Variants in FNIP1 observed in about 807,000 individuals in gnomAD.
The protein encoded by FNIP1 is folliculin interacting protein 1.
A neutral mutation model predicts 124.5 loss-of-function variants in FNIP1; 40 were observed. That is an observed-to-expected ratio of 0.32 (90% CI 0.25 to 0.42). The LOEUF is 0.42. FNIP1 is among the 10% of genes least tolerant of loss of function. The pLI is 1.00. For synonymous variants in FNIP1, 472 were observed against 470.6 expected (o/e 1.00, Z -0.04); for missense variants, 1,176 against 1,403.7 (o/e 0.84, Z 2.59).
Position 131,656,427 on chromosome 5 carries a change from T to C in FNIP1, c.3109-4428A>G, listed in dbSNP as rs144998250. Among the ~76,000 whole-genome samples, 489 of 152,324 alleles carry C rather than the reference T, an allele frequency of 3.2e-3. 3 individuals are homozygous for C. Among genetic ancestry groups the C allele is most frequent in the African/African-American group, 0.011 (465 of 41,572 alleles). The stretch of plus-strand genomic sequence containing the variant: ...CCAGGTACTTTTGCAGAATACCTTT[T>C]AAATCTCATAATGAAAATGCAGCTC... On this transcript the variant is annotated intron_variant, in intron 15 of 17. Transcript: ENST00000510461.
chr5:131,647,790 T>A (rs1213931161), intron 16 of FNIP1, among the ~76,000 whole-genome samples: 2 of 152,180 alleles, frequency 1.3e-5, no homozygotes, highest in Admixed American at 6.5e-5. Context: ...TAACCATTTT[T>A]AAATATACTT....
At chr5:131,693,344 A>ATATATG (rs1561658436) in intron 11 of FNIP1, among the ~76,000 whole-genome samples, 12 of 130,550 alleles carry the variant, frequency 9.2e-5, no homozygotes, top group Non-Finnish European at 1.9e-4. Flanking sequence ...ATATATATAT[A>ATATATG]TATATATATA....
At chr5:131,751,984 A>G (rs1007443684) in intron 1 of FNIP1, among the ~76,000 whole-genome samples, 1 of 152,228 alleles carries the variant, frequency 6.6e-6, no homozygotes, top group African/African-American at 2.4e-5. Context: ...ATTTTATGGA[A>G]TGTGAAGTAT....
intron 3 of FNIP1, among the ~76,000 whole-genome samples, chr5:131,727,387 C>G (rs1172203974): frequency 6.6e-6 from 1 of 152,022 alleles, no homozygotes; most frequent in Non-Finnish European, 1.5e-5. Flanking sequence ...ACACTGATCC[C>G]TATTGTTGCA....
intron 1 of FNIP1, among the ~76,000 whole-genome samples, chr5:131,769,808 T>G (rs189014043): frequency 7.9e-5 from 12 of 152,326 alleles, no homozygotes; most frequent in African/African-American, 2.9e-4. Flanking sequence ...CAGAAGCAAT[T>G]ACGACTGCTT....
intron 11 of FNIP1, among the ~76,000 whole-genome samples, chr5:131,687,697 G>A (rs1438629389): frequency 6.6e-6 from 1 of 152,154 alleles, no homozygotes; most frequent in Non-Finnish European, 1.5e-5. Flanking sequence ...GTTACCTGAA[G>A]CAGAAGCCTT....
intron 2 of FNIP1, among the ~76,000 whole-genome samples, chr5:131,735,490 T>TACACAC (rs1770262585): frequency 8.3e-6 from 1 of 121,150 alleles, no homozygotes; most frequent in Admixed American, 8.8e-5. Flanking sequence ...TATATGTATA[T>TACACAC]ATACGTATAA....
At chr5:131,780,167 C>T (rs1771949369) in intron 1 of FNIP1, among the ~76,000 whole-genome samples, 1 of 152,032 alleles carries the variant, frequency 6.6e-6, no homozygotes, top group Admixed American at 6.5e-5. Context: ...ATCTTTAAGA[C>T]AAAGAGAATA....
At chr5:131,735,345 A>T (rs899177015) in intron 2 of FNIP1, among the ~76,000 whole-genome samples, 15 of 151,986 alleles carry the variant, frequency 9.9e-5, no homozygotes, top group African/African-American at 1.9e-4. Flanking sequence ...GCATTAGGAG[A>T]TATACCTCAT....
intron 1 of FNIP1, among the ~76,000 whole-genome samples, chr5:131,750,476 C>T (rs1770834081): frequency 2.0e-5 from 3 of 152,088 alleles, no homozygotes; most frequent in Non-Finnish European, 4.4e-5. Context: ...AAAAAAGAAC[C>T]TCTCTGGAAG....
At chr5:131,710,142 T>C (rs32110) in intron 7 of FNIP1, among the ~76,000 whole-genome samples, 119,682 of 152,000 alleles carry the variant, frequency 0.79, 47,383 homozygotes, top group Middle Eastern at 0.85. Context: ...ACTGCTCTTA[T>C]GGAATAGTGT....
chr5:131,716,724 C>G, intron 5 of FNIP1, 68 bp from the exon 6 acceptor site: 1 of 940,062 alleles, frequency 1.1e-6, no homozygotes, highest in Non-Finnish European at 1.6e-6. Flanking sequence ...CTTTGTACAT[C>G]CTGATGAAAT....
intron 1 of FNIP1, among the ~76,000 whole-genome samples, chr5:131,747,851 T>A (rs1372245863): frequency 6.6e-6 from 1 of 152,128 alleles, no homozygotes; most frequent in African/African-American, 2.4e-5. Context: ...TTTACATATA[T>A]GCTGATGACA....
intron 17 of FNIP1, among the ~76,000 whole-genome samples, 198 bp from the exon 18 acceptor site, chr5:131,644,961 G>C (rs1766824799): frequency 6.6e-6 from 1 of 152,158 alleles, no homozygotes; most frequent in African/African-American, 2.4e-5. Context: ...ACGTAGAAAA[G>C]TGTCTCAATG....
intron 1 of FNIP1, among the ~76,000 whole-genome samples, chr5:131,767,427 C>CAAAAAAAAAA (rs139550903): frequency 1.3e-3 from 83 of 64,006 alleles, no homozygotes; most frequent in African/African-American, 2.8e-3. Context: ...GATTCTGTCT[C>CAAAAAAAAAA]AAAAAAAAAA....
intron 3 of FNIP1, among the ~76,000 whole-genome samples, chr5:131,722,261 T>C (rs950826202): frequency 1.3e-5 from 2 of 152,178 alleles, no homozygotes; most frequent in South Asian, 4.1e-4. Context: ...AAGGGAACCA[T>C]GGTCTCTGAG....
At chr5:131,698,842 A>C in intron 11 of FNIP1, 75 bp downstream of exon 11, 1 of 1,288,990 alleles carries the variant, frequency 7.8e-7, no homozygotes, top group African/African-American at 1.5e-5. Context: ...TTTTATTAGA[A>C]CAAGTTAAAG....
At chr5:131,741,894 T>C (rs950707188) in intron 2 of FNIP1, among the ~76,000 whole-genome samples, 1 of 152,182 alleles carries the variant, frequency 6.6e-6, no homozygotes, top group African/African-American at 2.4e-5. Context: ...TCAAATGATA[T>C]TTTTCAAAAA....
chr5:131,786,886 T>C (rs1298400496), intron 1 of FNIP1, among the ~76,000 whole-genome samples: 1 of 152,234 alleles, frequency 6.6e-6, no homozygotes, highest in African/African-American at 2.4e-5. Flanking sequence ...ACTCAGTCTC[T>C]GGTATTCTGT....
Sources: allele counts gnomAD v4.1 joint callset (sites outside exome capture counted in the v4.1 genomes callset), GRCh38; gene constraint gnomAD v4.1.1; transcripts MANE v1.5; gene names NCBI Gene and HGNC (gene_info 2026-07-23, HGNC 2026-07-21).